Variants in PAX5 observed in about 807,000 individuals in gnomAD.
The protein encoded by PAX5 is paired box protein Pax-5.
In PAX5, 9 loss-of-function variants were observed where a neutral mutation model predicts 43.7. The ratio of observed to expected loss-of-function variants is 0.21; its 90% confidence interval spans 0.12 to 0.36. The LOEUF (loss-of-function observed/expected upper bound fraction) is 0.36, where lower values mean the gene tolerates loss of function less well. Ranked by LOEUF, PAX5 falls within the 10% of genes least tolerant of loss-of-function variation. The probability of loss-of-function intolerance (pLI) is 1.00; values close to 1 mark genes in which losing one functional copy is unlikely to be tolerated. For missense variants in PAX5, 383 were observed against 532.7 expected, an observed-to-expected ratio of 0.72 and a Z score of 2.77; for synonymous variants, 228 against 214.3, an observed-to-expected ratio of 1.06 and a Z score of -0.56.
intron 7 of PAX5, 109 bp downstream of exon 7, chr9:36,923,246 C>G (rs933795653): frequency 7.0e-7 from 1 of 1,420,564 alleles, no homozygotes; most frequent in African/African-American, 1.4e-5. Context: ...CTTGTTAAAA[C>G]AAAATTGGCC....
intron 2 of PAX5, among the ~76,000 whole-genome samples, chr9:37,016,762 G>T (rs1476330473): frequency 6.6e-6 from 1 of 152,218 alleles, no homozygotes; most frequent in Non-Finnish European, 1.5e-5. Context: ...AGGGAACGAG[G>T]TGATTCTGAG....
At chr9:36,947,213 G>A (rs1038289711) in intron 6 of PAX5, among the ~76,000 whole-genome samples, 2 of 152,126 alleles carry the variant, frequency 1.3e-5, no homozygotes, top group Non-Finnish European at 2.9e-5. Flanking sequence ...GCCCATCACT[G>A]ATCCTCATAC....
intron 1 of PAX5, among the ~76,000 whole-genome samples, chr9:37,028,451 G>A (rs915143789): frequency 1.3e-5 from 2 of 152,220 alleles, no homozygotes; most frequent in African/African-American, 4.8e-5. Context: ...GGGGAAGGGG[G>A]AGAATATCTC....
At chr9:36,913,458 G>A (rs1038181660) in intron 7 of PAX5, among the ~76,000 whole-genome samples, 2 of 152,236 alleles carry the variant, frequency 1.3e-5, no homozygotes, top group African/African-American at 4.8e-5. Context: ...GCAGAAGTGG[G>A]GAGCCTGGTG....
At chr9:36,997,624 T>C (rs920664136) in intron 5 of PAX5, among the ~76,000 whole-genome samples, 2 of 152,172 alleles carry the variant, frequency 1.3e-5, no homozygotes, top group African/African-American at 4.8e-5. Flanking sequence ...TCCATTCCCC[T>C]CACCCAGCAG....
intron 9 of PAX5, among the ~76,000 whole-genome samples, chr9:36,840,875 A>G (rs1282884928): frequency 2.0e-5 from 3 of 152,164 alleles, no homozygotes; most frequent in Non-Finnish European, 2.9e-5. Flanking sequence ...CTTGGGTCCA[A>G]TCCTCCCAGC....
intron 5 of PAX5, among the ~76,000 whole-genome samples, chr9:36,967,144 G>T (rs987866037): frequency 2.0e-5 from 3 of 152,180 alleles, no homozygotes; most frequent in Non-Finnish European, 4.4e-5. Flanking sequence ...GGGAGGTACA[G>T]TTTTTCCCAG....
Position 37,015,705 on chromosome 9 carries a change from G to A in PAX5, c.213-511C>T, listed in dbSNP as rs535690866. ...AGTGATTCTCCTGCCTCAGCCTCCC[G>A]AGTAGCTGGGATTACAGGCATGTGC... On this transcript the variant is annotated intron_variant, in intron 2 of 9. Transcript: ENST00000358127. This position sits in a 1 kb window ranked among gnomAD's most constrained non-coding sequence, Gnocchi z 4.4. Among the ~76,000 whole-genome samples the A allele has an allele frequency of 3.3e-5, 5 of 151,866 alleles. No individual in the cohort carries two copies. Among genetic ancestry groups the A allele is most frequent in the Non-Finnish European group, 5.9e-5 (4 of 67,956 alleles).
chr9:36,998,034 C>T (rs11790098), intron 5 of PAX5, among the ~76,000 whole-genome samples: 22,852 of 152,246 alleles, frequency 0.15, 1,909 homozygotes, highest in East Asian at 0.27. Context: ...CCTGCTCACA[C>T]CTCTGATGAT....
At chr9:36,962,509 G>A (rs1043494846) in intron 6 of PAX5, among the ~76,000 whole-genome samples, 1 of 152,344 alleles carries the variant, frequency 6.6e-6, no homozygotes, top group East Asian at 1.9e-4. Flanking sequence ...TGAGAGGATG[G>A]ATGTGAACGG....
chr9:36,869,906 G>A (rs1825288380), intron 8 of PAX5, among the ~76,000 whole-genome samples: 1 of 145,838 alleles, frequency 6.9e-6, no homozygotes, highest in African/African-American at 2.7e-5. Context: ...ATGGATGGAT[G>A]GATGGATGGA....
At chr9:36,864,394 G>C (rs2131668842) in intron 8 of PAX5, 1 of 153,388 alleles carries the variant, frequency 6.5e-6, no homozygotes. Context: ...GGGAGGGCGA[G>C]GAGCAATGTG....
At chr9:36,941,354 C>G (rs1279713766) in intron 6 of PAX5, among the ~76,000 whole-genome samples, 1 of 152,214 alleles carries the variant, frequency 6.6e-6, no homozygotes, top group Non-Finnish European at 1.5e-5. Context: ...TTTACTACCG[C>G]TATTATTCCT....
In PAX5 at chr9:36,846,893, T is replaced by C. The variant is rs1270915702; in HGVS notation, c.1049A>G (p.Gln350Arg). 1 of 1,614,126 alleles carries C rather than the reference T, an allele frequency of 6.2e-7. No individual in the cohort carries two copies. The highest frequency in any genetic ancestry group is 8.5e-7 in the Non-Finnish European group (1 of 1,179,932). ...EFSGSPYSHPQYSSYNDSWRF... is the reference protein window; with the variant it reads ...EFSGSPYSHPRYSSYNDSWRF... ...CCAGGAGTCGTTGTACGAGGAATAC[T>C]GAGGGTGGCTGTAGGGACTCCCGGA... The change falls in exon 9 of 10, where the codon CAG becomes CGG. Residue 350 changes from glutamine to arginine, a missense_variant. Around this residue, in one of 5 missense-constraint regions of PAX5, gnomAD observed 291 missense variants for 342.5 expected, o/e 0.85. Transcript: ENST00000358127.
chr9:36,865,587 T>G (rs1327008540), intron 8 of PAX5, among the ~76,000 whole-genome samples: 2 of 151,702 alleles, frequency 1.3e-5, no homozygotes, highest in East Asian at 3.9e-4. Context: ...AAGGAAGAAA[T>G]GGAGGAAGAC....
intron 5 of PAX5, among the ~76,000 whole-genome samples, chr9:36,992,431 C>T (rs1485287410): frequency 6.6e-6 from 1 of 152,196 alleles, no homozygotes; most frequent in Non-Finnish European, 1.5e-5. Context: ...TTCTGAAACA[C>T]TCACTCCCCA....
chr9:36,972,594 G>A (rs1208006587), intron 5 of PAX5, among the ~76,000 whole-genome samples: 2 of 152,170 alleles, frequency 1.3e-5, no homozygotes, highest in African/African-American at 4.8e-5. Context: ...AGCCAACCAA[G>A]GGGATCCCAT....
In PAX5 at chr9:36,876,201, G is replaced by A. The variant is rs115057236; in HGVS notation, c.1012+5803C>T. 3.8e-3 allele frequency among the ~76,000 whole-genome samples: 580 copies of A among 152,282 alleles called. 2 individuals carry two copies. The highest frequency in any genetic ancestry group is 0.013 in the African/African-American group (534 of 41,554). On this transcript the variant is annotated intron_variant, in intron 8 of 9. Transcript: ENST00000358127. The stretch of plus-strand genomic sequence containing the variant: ...GTGCCTTCCCGGCCCACAAGGCTGC[G>A]CCCACCTCTCCTCTGGCCTCAGGCC...
At chr9:36,924,716 T>C in intron 6 of PAX5, among the ~76,000 whole-genome samples, 1 of 35,000 alleles carries the variant, frequency 2.9e-5, no homozygotes, top group Non-Finnish European at 6.0e-5. Context: ...CAAGACTCTG[T>C]CAAAAAAAAG....
Sources: allele counts gnomAD v4.1 joint callset (sites outside exome capture counted in the v4.1 genomes callset), GRCh38; gene constraint gnomAD v4.1.1; regional missense constraint gnomAD v4.1.1; non-coding constraint Gnocchi (gnomAD v3.1); transcripts MANE v1.5; gene names NCBI Gene and HGNC (gene_info 2026-07-23, HGNC 2026-07-21).